The following CDH23 variants were observed in gnomAD, a reference collection of about 807,000 sequenced individuals.
CDH23 encodes the protein cadherin-23.
In CDH23, 189 loss-of-function variants were observed where a neutral mutation model predicts 317.1. The observed-to-expected ratio is 0.60, with a 90% CI of 0.53 to 0.67. The LOEUF (loss-of-function observed/expected upper bound fraction) is 0.67, where lower values mean the gene tolerates loss of function less well. Among genes scored for constraint, CDH23 ranks in the 30% least tolerant of loss-of-function variants. The pLI is 0.00. For synonymous variants in CDH23, 1,839 were observed against 1,876.8 expected (o/e 0.98, Z 0.52); for missense variants, 4,401 against 4,592.4 (o/e 0.96, Z 1.20).
intron 1 of CDH23, among the ~76,000 whole-genome samples, chr10:71,417,999 C>G (rs937109940): frequency 1.3e-5 from 2 of 152,172 alleles, no homozygotes; most frequent in Non-Finnish European, 2.9e-5. Context: ...CTATTAAGAT[C>G]CTGATTCTAA....
intron 9 of CDH23, among the ~76,000 whole-genome samples, chr10:71,604,780 G>A (rs1307739550): frequency 6.6e-6 from 1 of 152,238 alleles, no homozygotes; most frequent in Non-Finnish European, 1.5e-5. Flanking sequence ...CAGCAGGACT[G>A]GGCCCCTTTT....
intron 38 of CDH23, among the ~76,000 whole-genome samples, chr10:71,759,982 T>TAC: frequency 1.6e-5 from 1 of 64,502 alleles, no homozygotes; most frequent in African/African-American, 4.6e-5. Context: ...CACACACACA[T>TAC]ATATATACAC....
intron 19 of CDH23, among the ~76,000 whole-genome samples, chr10:71,689,331 G>A (rs1865097831): frequency 6.6e-6 from 1 of 152,010 alleles, no homozygotes; most frequent in African/African-American, 2.4e-5. Flanking sequence ...GGTGGGTGCT[G>A]GGCTGCACCC....
rs1235330068 is a variant in CDH23, at chr10:71,397,467, C to T, written c.-6+149C>T. 6.6e-6 allele frequency: 1 copy of T among 151,246 alleles called. No individual in the cohort carries two copies. The allele number at this position is 151,246 out of a possible 1,614,324, so 9.4% of individuals were successfully genotyped here. On this transcript the variant is annotated intron_variant, in intron 1 of 69. Transcript: ENST00000224721. This position sits in a 1 kb window ranked among gnomAD's most constrained non-coding sequence, Gnocchi z 4.8. ...GGCCATCGCCCGTGGCGGGCGCTCGCGGCATCCTTCGGTCCCAGGCCCCTG... is the reference window on the plus strand; with the variant it reads ...GGCCATCGCCCGTGGCGGGCGCTCGTGGCATCCTTCGGTCCCAGGCCCCTG...
chr10:71,708,429 G>T (rs931903364), intron 26 of CDH23, among the ~76,000 whole-genome samples: 26 of 152,202 alleles, frequency 1.7e-4, no homozygotes, highest in Non-Finnish European at 3.1e-4. Flanking sequence ...AGCTGGCAGG[G>T]GAGGGGTCTC....
intron 11 of CDH23, among the ~76,000 whole-genome samples, chr10:71,640,028 C>T (rs1292233496): frequency 1.3e-5 from 2 of 152,132 alleles, no homozygotes; most frequent in Non-Finnish European, 2.9e-5. Flanking sequence ...TGAGCTTTTC[C>T]AGCCCCTGGC....
intron 3 of CDH23, among the ~76,000 whole-genome samples, chr10:71,453,358 G>A (rs538095366): frequency 1.3e-5 from 2 of 152,364 alleles, no homozygotes; most frequent in East Asian, 3.9e-4. Context: ...ACCCCGCATC[G>A]GCAGTCTCTG....
intron 1 of CDH23, among the ~76,000 whole-genome samples, chr10:71,406,390 G>A (rs1348377272): frequency 2.0e-5 from 3 of 152,136 alleles, no homozygotes; most frequent in Non-Finnish European, 4.4e-5. Context: ...AATCTCTGGG[G>A]GCAGAAGCCC....
intron 22 of CDH23, among the ~76,000 whole-genome samples, chr10:71,697,839 C>T (rs1351504415): frequency 6.6e-6 from 1 of 152,212 alleles, no homozygotes; most frequent in Non-Finnish European, 1.5e-5. Flanking sequence ...GAGTCAGCCG[C>T]ATCATCCCTA....
chr10:71,631,047 C>T lies in CDH23; in HGVS notation c.1135-12814C>T, dbSNP rs1861990212. ...TTATGTGAGCCCAGGAGTTTGAGAC[C>T]AGCCTGGGCAACATACTGAGACCCC... On this transcript the variant is annotated intron_variant, in intron 11 of 69. Coordinates refer to ENST00000224721, the MANE Select transcript of CDH23 (RefSeq NM_022124.6). Among the ~76,000 whole-genome samples the T allele has an allele frequency of 2.0e-5, 3 of 152,304 alleles. No individual in the cohort carries two copies. In the South Asian group the frequency reaches 6.2e-4, roughly 32 times the overall value.
In CDH23 at chr10:71,765,292, A is replaced by G. The variant is rs146781648; in HGVS notation, c.4846-12388A>G. On this transcript the variant is annotated intron_variant, in intron 38 of 69. Transcript: ENST00000224721. ...TCCAGCTTCAGCTACGGTAGTATTT[A>G]CCACCAGCACACATACCTTGGGGGC... Among the ~76,000 whole-genome samples the G allele has an allele frequency of 8.4e-3, 1,272 of 152,266 alleles. 10 individuals are homozygous for G. The highest frequency in any genetic ancestry group is 0.013 in the Non-Finnish European group (895 of 68,020).
intron 41 of CDH23, among the ~76,000 whole-genome samples, chr10:71,783,304 C>T (rs1261617280): frequency 1.3e-5 from 2 of 152,220 alleles, no homozygotes; most frequent in African/African-American, 4.8e-5. Context: ...TTCCTTCCCC[C>T]TGTCTCTTCT....
At chr10:71,449,937 G>A (rs150655983) in intron 3 of CDH23, among the ~76,000 whole-genome samples, 6 of 152,336 alleles carry the variant, frequency 3.9e-5, no homozygotes, top group African/African-American at 1.2e-4. Context: ...TTTGAAGACC[G>A]TCTACCAGCC....
chr10:71,732,746 T>TAATGATACGGCGA, intron 32 of CDH23: 4 of 1,126,710 alleles, frequency 3.6e-6, no homozygotes, highest in Admixed American at 4.5e-5. Flanking sequence ...CTTCTGTTTT[T>TAATGATACGGCGA]CCTTCTGTTT....
In CDH23 at chr10:71,695,486, C is replaced by A. The variant is rs1390323677; in HGVS notation, c.2358C>A (p.Asn786Lys). ...GGAAGGACGCACCCTACTACATCAA[C>A]CTGGTGGAGATGACCCCTCCAGACT... Reference protein sequence around the residue: ...PTWKDAPYYINLVEMTPPDSD... With the variant: ...PTWKDAPYYIKLVEMTPPDSD... Residue 786 changes from asparagine (N) to lysine (K), a missense_variant, in exon 22 of 70, where the codon AAC becomes AAA. Asn to Lys is a moderately conservative substitution (Grantham distance 94). Transcript: ENST00000224721. The A allele has an allele frequency of 6.2e-7, 1 of 1,613,478 alleles. No homozygotes were observed. The highest frequency in any genetic ancestry group is 8.5e-7 in the Non-Finnish European group (1 of 1,179,522).
intron 62 of CDH23, 106 bp from the exon 63 acceptor site, chr10:71,811,209 G>A (rs1841910922): frequency 6.4e-7 from 1 of 1,550,766 alleles, no homozygotes; most frequent in Admixed American, 1.7e-5. Flanking sequence ...AATCTTGCAA[G>A]GCTTGGGGTT....
intron 1 of CDH23, among the ~76,000 whole-genome samples, chr10:71,412,126 G>A (rs1455887089): frequency 6.6e-6 from 1 of 152,178 alleles, no homozygotes; most frequent in Non-Finnish European, 1.5e-5. Context: ...CCATGTTCTA[G>A]TAGGTGTATG....
At chr10:71,666,948 A>G (rs1386652868) in intron 14 of CDH23, among the ~76,000 whole-genome samples, 1 of 152,262 alleles carries the variant, frequency 6.6e-6, no homozygotes, top group Non-Finnish European at 1.5e-5. Flanking sequence ...TTAAAAATGC[A>G]TTCTCCCATG....
chr10:71,403,632 T>G (rs1847961454), intron 1 of CDH23, among the ~76,000 whole-genome samples: 1 of 150,864 alleles, frequency 6.6e-6, no homozygotes, highest in African/African-American at 2.4e-5. Context: ...TTCTCCTGCC[T>G]CAGCCTCCCA....
Sources: gnomAD v4.1 joint callset for allele counts (sites outside exome capture counted in the v4.1 genomes callset) on GRCh38, gnomAD v4.1.1 for gene constraint, Gnocchi (gnomAD v3.1) non-coding constraint, MANE v1.5 for transcripts, NCBI Gene and HGNC (gene_info 2026-07-23, HGNC 2026-07-21) for gene names.